Variants in HMGCLL1 observed in about 807,000 individuals in gnomAD.
HMGCLL1 encodes 3-hydroxy-3-methylglutaryl-CoA lyase like 1.
A neutral mutation model predicts 39.1 loss-of-function variants in HMGCLL1; 36 were observed. That is an observed-to-expected ratio of 0.92 (90% CI 0.71 to 1.22). The LOEUF is 1.22. HMGCLL1 is among the 50% of genes most tolerant of loss of function. The pLI, the probability that HMGCLL1 is intolerant of heterozygous loss-of-function variation, is 0.00. For missense variants in HMGCLL1, 451 were observed against 416.5 expected (o/e 1.08, Z -0.72); for synonymous variants, 149 against 144.0 (o/e 1.03, Z -0.25).
intron 5 of HMGCLL1, among the ~76,000 whole-genome samples, chr6:55,503,130 A>G (rs1418750988): frequency 6.6e-6 from 1 of 151,756 alleles, no homozygotes; most frequent in Non-Finnish European, 1.5e-5. Flanking sequence ...AATCCTATCG[A>G]AAGAATCTGA....
intron 7 of HMGCLL1, among the ~76,000 whole-genome samples, chr6:55,479,292 T>C (rs968796464): frequency 6.6e-6 from 1 of 151,638 alleles, no homozygotes; most frequent in Non-Finnish European, 1.5e-5. Flanking sequence ...TTGCCAGTCC[T>C]GTTTTCTTAA....
chr6:55,614,810 G>T, the HMGCLL1 span, among the ~76,000 whole-genome samples: 1 of 151,896 alleles, frequency 6.6e-6, no homozygotes, highest in Non-Finnish European at 1.5e-5. Context: ...CTGTCATTCG[G>T]TCTAAGCAAC....
At chr6:55,620,100 A>G in the HMGCLL1 span, among the ~76,000 whole-genome samples, 3 of 152,106 alleles carry the variant, frequency 2.0e-5, no homozygotes, top group African/African-American at 7.2e-5. Context: ...ATGGACACTT[A>G]GGTTGCTTCC....
chr6:55,463,117 G>A (rs530233947), intron 7 of HMGCLL1, among the ~76,000 whole-genome samples: 122 of 148,678 alleles, frequency 8.2e-4, no homozygotes, highest in African/African-American at 2.7e-3. Flanking sequence ...TGCAACCTCC[G>A]CCTCCTGGGT....
At chr6:55,630,636 A>C in the HMGCLL1 span, among the ~76,000 whole-genome samples, 2 of 152,028 alleles carry the variant, frequency 1.3e-5, no homozygotes, top group African/African-American at 4.8e-5. Context: ...GTATTGTGGG[A>C]GGGACCTGGT....
chr6:55,496,514 C>G (rs1438411143), intron 6 of HMGCLL1, among the ~76,000 whole-genome samples: 1 of 152,124 alleles, frequency 6.6e-6, no homozygotes. Context: ...ACTTAAAATC[C>G]TGGTGATGCT....
intron 7 of HMGCLL1, among the ~76,000 whole-genome samples, chr6:55,482,773 CT>C (rs1217800549): frequency 6.6e-6 from 1 of 152,048 alleles, no homozygotes; most frequent in African/African-American, 2.4e-5. Context: ...CAAACCTCAA[CT>C]TTTTTTACCT....
chr6:55,602,946 T>C, the HMGCLL1 span, among the ~76,000 whole-genome samples: 1 of 152,084 alleles, frequency 6.6e-6, no homozygotes. Flanking sequence ...GAAATTTTGA[T>C]TTTGTAGGTC....
At chr6:55,609,648 G>T in the HMGCLL1 span, among the ~76,000 whole-genome samples, 2 of 152,100 alleles carry the variant, frequency 1.3e-5, no homozygotes, top group Non-Finnish European at 2.9e-5. Context: ...TCCCCCCAGG[G>T]CAGCACAACT....
At chr6:55,636,773 T>C in the HMGCLL1 span, among the ~76,000 whole-genome samples, 1 of 152,060 alleles carries the variant, frequency 6.6e-6, no homozygotes, top group Non-Finnish European at 1.5e-5. Context: ...AAGTTTAGGG[T>C]CAAAGTGATG....
At position 55,533,844 on chromosome 6, in the gene HMGCLL1, C is replaced by A. The variant is rs949487761; in HGVS notation, c.297+7885G>T. Among the ~76,000 whole-genome samples the A allele has an allele frequency of 6.6e-5, 9 of 136,928 alleles. No individual in the cohort carries two copies. In the Admixed American group the frequency reaches 7.6e-4, roughly 12 times the overall value. The allele number at this position is 136,928 out of a possible 152,430, so 89.8% of individuals were successfully genotyped here. A position where few individuals can be genotyped will look rare whatever the true frequency, so the allele number is the denominator to read the frequency against. On this transcript the variant is annotated intron_variant, in intron 3 of 8. Coordinates refer to ENST00000274901, the MANE Select transcript of HMGCLL1 (RefSeq NM_001042406.2). Reference sequence around the variant, plus strand: ...GAGCTTGCAGTGAGCCGAGATCGCGCCACTGCACTCCAGCCTGGGCGACAG... The same window carrying A: ...GAGCTTGCAGTGAGCCGAGATCGCGACACTGCACTCCAGCCTGGGCGACAG...
chr6:55,459,302 T>G (rs1416736317), intron 7 of HMGCLL1, among the ~76,000 whole-genome samples: 1 of 152,086 alleles, frequency 6.6e-6, no homozygotes, highest in East Asian at 1.9e-4. Flanking sequence ...AGGCAGATTA[T>G]GAGAAGTGTT....
At chr6:55,503,071 C>A (rs1361837750) in intron 5 of HMGCLL1, among the ~76,000 whole-genome samples, 1 of 151,632 alleles carries the variant, frequency 6.6e-6, no homozygotes, top group Non-Finnish European at 1.5e-5. Flanking sequence ...CTTTTCATGG[C>A]AATTTTAGTT....
rs1769888976 is a variant in HMGCLL1 at position 55,545,120 on chromosome 6, C to T, written c.109-2980G>A. On this transcript the variant is annotated intron_variant, in intron 1 of 8. Coordinates refer to ENST00000274901, the MANE Select transcript of HMGCLL1 (RefSeq NM_001042406.2). ...ATCTTAAGCCATGTGGTCTCATTAT[C>T]ACTGATTGTTTCTTGAAACTGCATT... Among the ~76,000 whole-genome samples the T allele has an allele frequency of 1.3e-5, 2 of 151,432 alleles. 1 individual carries two copies. Among genetic ancestry groups the T allele is most frequent in the African/African-American group, 4.9e-5 (2 of 41,214 alleles).
At chr6:55,529,654 G>A (rs1768527648) in intron 3 of HMGCLL1, among the ~76,000 whole-genome samples, 1 of 152,014 alleles carries the variant, frequency 6.6e-6, no homozygotes, top group East Asian at 1.9e-4. Flanking sequence ...AACATACCCT[G>A]GTTACTAAGT....
At chr6:55,603,518 T>C in the HMGCLL1 span, among the ~76,000 whole-genome samples, 2 of 152,092 alleles carry the variant, frequency 1.3e-5, no homozygotes, top group African/African-American at 4.8e-5. Context: ...CACAGGAATG[T>C]ACATATTATA....
At chr6:55,531,173 C>T (rs1262972636) in intron 3 of HMGCLL1, among the ~76,000 whole-genome samples, 2 of 152,174 alleles carry the variant, frequency 1.3e-5, no homozygotes, top group Non-Finnish European at 2.9e-5. Flanking sequence ...TTCATTCCCT[C>T]TAGTCTAGTC....
chr6:55,656,768 T>C, the HMGCLL1 span, among the ~76,000 whole-genome samples: 11 of 152,138 alleles, frequency 7.2e-5, no homozygotes, highest in East Asian at 2.1e-3. Context: ...TTTCTGAACA[T>C]AGTAATAACA....
the HMGCLL1 span, among the ~76,000 whole-genome samples, chr6:55,587,977 C>A: frequency 0.085 from 12,952 of 152,156 alleles, 746 homozygotes; most frequent in Non-Finnish European, 0.13. Flanking sequence ...ACCGCACTGT[C>A]AACATTAGAC....
Sources: allele counts gnomAD v4.1 joint callset (sites outside exome capture counted in the v4.1 genomes callset), GRCh38; gene constraint gnomAD v4.1.1; transcripts MANE v1.5; gene names NCBI Gene and HGNC (gene_info 2026-07-23, HGNC 2026-07-21).